TINAGL1: variants seen among roughly 807,000 people sequenced by gnomAD.
TINAGL1 encodes tubulointerstitial nephritis antigen-like.
A neutral mutation model predicts 62.0 loss-of-function variants in TINAGL1; 34 were observed. That is an observed-to-expected ratio of 0.55 (90% confidence interval 0.42 to 0.73). The LOEUF (loss-of-function observed/expected upper bound fraction) is 0.73, where lower values mean the gene tolerates loss of function less well. Ranked by LOEUF, TINAGL1 falls within the 30% of genes least tolerant of loss-of-function variation. The pLI, the probability that TINAGL1 is intolerant of heterozygous loss-of-function variation, is 0.00. For missense variants in TINAGL1, 516 were observed against 653.2 expected (o/e 0.79, Z 2.29); for synonymous variants, 221 against 249.7 (o/e 0.88, Z 1.08).
chr1:31,577,340 G>A lies in TINAGL1; in HGVS notation c.192G>A (p.Leu64=), dbSNP rs902235602. The A allele has an allele frequency of 1.2e-6, 2 of 1,613,808 alleles. No homozygotes were observed. The highest frequency in any genetic ancestry group is 2.7e-5 in the African/African-American group (2 of 74,930). The change falls in exon 2 of 12, where the codon CTG becomes CTA. Residue 64 remains leucine (L), a synonymous_variant. Transcript: ENST00000271064. This position sits in a 1 kb window ranked among gnomAD's most constrained non-coding sequence, Gnocchi z 5.4. ...GCGGCCGTGCCGACGACTGTGCCCT[G>A]CCCTACCTGGGCGCCATCTGTTACT... ...CCRGRADDCA[L]PYLGAICYCD... is the part of the protein sequence containing the mutation.
chr1:31,577,034 C>A lies in TINAGL1; in HGVS notation c.-15-100C>A. ...TGGGGACTCAGGAATCGGGATCTCC[C>A]TCCCTGCTGGGCCCTCTTGAACTCA... On this transcript the variant is annotated intron_variant, in intron 1 of 11. Transcript: ENST00000271064. The surrounding 1 kb of genome is among the most constrained non-coding windows in gnomAD (Gnocchi z 5.4). The A allele has an allele frequency of 8.9e-7, 1 of 1,118,778 alleles. No individual in the cohort carries two copies. Among genetic ancestry groups the A allele is most frequent in the Non-Finnish European group, 1.2e-6 (1 of 816,818 alleles). 69.3% of individuals were successfully genotyped at this position (1,118,778 alleles called of 1,614,324 possible).
In TINAGL1 at chr1:31,586,717, G is replaced by A. The variant is rs1288311878; in HGVS notation, c.1225G>A (p.Glu409Lys). ...CCTCTGCTCTGCCCACAGATGGGGA[G>A]AGGAGACGCTGCCAGATGGAAGGAC... is the stretch of plus-strand genomic sequence containing the variant. ...THSVKITGWG[E>K]ETLPDGRTLK... is the part of the protein sequence containing the mutation. The change falls in exon 11 of 12, where the codon GAG becomes AAG. Residue 409 changes from glutamate to lysine, a missense_variant. Physicochemically the swap from Glu to Lys is moderately conservative, Grantham distance 56. Coordinates refer to ENST00000271064, the MANE Select transcript of TINAGL1 (RefSeq NM_022164.3). The A allele has an allele frequency of 1.3e-6, 2 of 1,557,874 alleles. No homozygotes were observed. Among genetic ancestry groups the A allele is most frequent in the Admixed American group, 3.9e-5 (2 of 51,776 alleles).
Position 31,587,622 on chromosome 1 carries a change from A to G in TINAGL1, c.*643A>G, listed in dbSNP as rs1364399738. On this transcript the variant is annotated 3_prime_UTR_variant, in exon 12 of 12. Coordinates refer to ENST00000271064, the MANE Select transcript of TINAGL1 (RefSeq NM_022164.3). ...CATGAGCCACTGCACCCAGCCCTGT[A>G]TTCTTATTCTTCAGATATTTATTTT... is the stretch of plus-strand genomic sequence containing the variant. 1.3e-5 allele frequency: 2 copies of G among 152,166 alleles called. No individual in the cohort carries two copies. Among genetic ancestry groups the G allele is most frequent in the African/African-American group, 4.8e-5 (2 of 41,428 alleles). 9.4% of individuals were successfully genotyped at this position (152,166 alleles called of 1,614,324 possible). A position where few individuals can be genotyped will look rare whatever the true frequency, so the allele number is the denominator to read the frequency against.
Position 31,587,063 on chromosome 1 carries a change from C to T in TINAGL1, c.*84C>T. On this transcript the variant is annotated 3_prime_UTR_variant, in exon 12 of 12. Transcript: ENST00000271064. ...GCCCCAATGGGGCGGTGACCCCAGCCTCGCCCGACAGAGCCCGGGGCGCAG... is the reference window on the plus strand; with the variant it reads ...GCCCCAATGGGGCGGTGACCCCAGCTTCGCCCGACAGAGCCCGGGGCGCAG... 1 of 1,357,244 alleles carries T rather than the reference C, an allele frequency of 7.4e-7. No homozygotes were observed. Among genetic ancestry groups the T allele is most frequent in the Non-Finnish European group, 9.4e-7 (1 of 1,061,774 alleles). The allele number at this position is 1,357,244 out of a possible 1,614,324, so 84.1% of individuals were successfully genotyped here. A position where few individuals can be genotyped will look rare whatever the true frequency, so the allele number is the denominator to read the frequency against.
At chr1:31,582,545 G>C (rs1220500163) in intron 3 of TINAGL1, among the ~76,000 whole-genome samples, 2 of 152,118 alleles carry the variant, frequency 1.3e-5, no homozygotes, top group Non-Finnish European at 2.9e-5. Flanking sequence ...ATATGACTTA[G>C]GTTTAGCAGG....
At chr1:31,580,636 G>C in intron 3 of TINAGL1, 1 of 1,289,330 alleles carries the variant, frequency 7.8e-7, no homozygotes, top group South Asian at 1.2e-5. Context: ...GCCATACTGG[G>C]TCTTGGCTCC....
rs768679412 is a variant in TINAGL1 at position 31,585,258 on chromosome 1, A to G, written c.965A>G (p.Gln322Arg). ...CGAGCCATGGGTCGGGGCAAGCGCC[A>G]GGCCACTGCCCACTGCCCCAACAGC... The part of the protein sequence containing the change: ...HSRAMGRGKR[Q>R]ATAHCPNSYV... Residue 322 changes from glutamine (Q) to arginine (R), a missense_variant, in exon 8 of 12, where the codon CAG becomes CGG. Gln to Arg is a conservative substitution (Grantham distance 43). Transcript: ENST00000271064. This position sits in a 1 kb window ranked among gnomAD's most constrained non-coding sequence, Gnocchi z 4.3. 6.3e-5 allele frequency: 101 copies of G among 1,613,550 alleles called. No homozygotes were observed. Among genetic ancestry groups the G allele is most frequent in the Non-Finnish European group, 8.2e-5 (97 of 1,179,788 alleles).
chr1:31,581,391 G>A (rs1639241486), intron 3 of TINAGL1, among the ~76,000 whole-genome samples: 1 of 152,146 alleles, frequency 6.6e-6, no homozygotes, highest in African/African-American at 2.4e-5. Context: ...GGCCACAGTG[G>A]AGGGGCGAGA....
At chr1:31,580,558 C>A (rs981866989) in intron 3 of TINAGL1, 1 of 1,289,044 alleles carries the variant, frequency 7.8e-7, no homozygotes, top group African/African-American at 1.5e-5. Flanking sequence ...GGAAAGCCTT[C>A]CCGGCCCTGC....
chr1:31,581,490 G>A (rs1639244319), intron 3 of TINAGL1, among the ~76,000 whole-genome samples: 1 of 152,150 alleles, frequency 6.6e-6, no homozygotes, highest in Non-Finnish European at 1.5e-5. Flanking sequence ...GCTCTGATGT[G>A]AACAACTGGG....
chr1:31,586,479 C>T (rs935911097), intron 10 of TINAGL1: 2 of 606,346 alleles, frequency 3.3e-6, no homozygotes, highest in South Asian at 3.9e-5. Flanking sequence ...CTCACCTTGC[C>T]TCCACTTGTC....
At position 31,577,325 on chromosome 1, in the gene TINAGL1, C is replaced by G. The variant is rs145136504; in HGVS notation, c.177C>G (p.Ala59=). 343 of 1,613,844 alleles carry G rather than the reference C, an allele frequency of 2.1e-4. No individual in the cohort carries two copies. The African/African-American group carries it at 4.2e-3, about 20-fold the overall frequency. Residue 59 remains alanine, a synonymous_variant, in exon 2 of 12, where the codon GCC becomes GCG. Coordinates refer to ENST00000271064, the MANE Select transcript of TINAGL1 (RefSeq NM_022164.3). This position sits in a 1 kb window ranked among gnomAD's most constrained non-coding sequence, Gnocchi z 5.4. The part of the protein sequence containing the change: ...QEQDLCCRGR[A]DDCALPYLGA... ...AGGACCTGTGCTGCCGCGGCCGTGC[C>G]GACGACTGTGCCCTGCCCTACCTGG...
rs1297150279 is a variant in TINAGL1 at position 31,587,639 on chromosome 1, A to G, written c.*660A>G. 6.6e-6 allele frequency: 1 copy of G among 152,184 alleles called. No homozygotes were observed. Among genetic ancestry groups the G allele is most frequent in the East Asian group, 1.9e-4 (1 of 5,198 alleles). 9.4% of individuals were successfully genotyped at this position (152,184 alleles called of 1,614,324 possible). A position where few individuals can be genotyped will look rare whatever the true frequency, so the allele number is the denominator to read the frequency against. On this transcript the variant is annotated 3_prime_UTR_variant, in exon 12 of 12. Transcript: ENST00000271064. ...AGCCCTGTATTCTTATTCTTCAGATATTTATTTTTCTTTTCACTGTTTTAA... is the reference window on the plus strand; with the variant it reads ...AGCCCTGTATTCTTATTCTTCAGATGTTTATTTTTCTTTTCACTGTTTTAA...
Position 31,585,415 on chromosome 1 carries a change from T to C in TINAGL1, c.1048-25T>C. 6.2e-7 allele frequency: 1 copy of C among 1,613,584 alleles called. No homozygotes were observed. Among genetic ancestry groups the C allele is most frequent in the South Asian group, 1.1e-5 (1 of 90,986 alleles). On this transcript the variant is annotated intron_variant, in intron 8 of 11. Transcript: ENST00000271064. This position sits in a 1 kb window ranked among gnomAD's most constrained non-coding sequence, Gnocchi z 4.3. ...CTGGAGTCTCACCCCTGACGTATGC[T>C]CTCTGTCCATCCCCTGCCCTCCAGG...
rs1244276787 is a variant in TINAGL1, at chr1:31,576,988, C to A, written c.-15-146C>A. 7 of 704,736 alleles carry A rather than the reference C, an allele frequency of 9.9e-6. No homozygotes were observed. Among genetic ancestry groups the A allele is most frequent in the South Asian group, 2.1e-5 (1 of 46,872 alleles). The allele number at this position is 704,736 out of a possible 1,614,324, so 43.7% of individuals were successfully genotyped here. On this transcript the variant is annotated intron_variant, in intron 1 of 11. Transcript: ENST00000271064. This position sits in a 1 kb window ranked among gnomAD's most constrained non-coding sequence, Gnocchi z 5.1. ...TATAGCCAGGGCCCACACACTGGGG[C>A]TCCTCTGCCCGTGTCCTGCCTGGGG...
rs1639023626 is a variant in TINAGL1, at chr1:31,577,591, C to T, written c.310+133C>T. ...TAGAATCTGGGACTCTTCCCTGCCCCTCTGGGAACTTTACTCTCCAGCAAG... is the reference window on the plus strand; with the variant it reads ...TAGAATCTGGGACTCTTCCCTGCCCTTCTGGGAACTTTACTCTCCAGCAAG... On this transcript the variant is annotated intron_variant, in intron 2 of 11. Coordinates refer to ENST00000271064, the MANE Select transcript of TINAGL1 (RefSeq NM_022164.3). The surrounding 1 kb of genome is among the most constrained non-coding windows in gnomAD (Gnocchi z 5.4). 3 of 1,010,802 alleles carry T rather than the reference C, an allele frequency of 3.0e-6. No homozygotes were observed. In the African/African-American group the frequency reaches 4.9e-5, roughly 16 times the overall value. 62.6% of individuals were successfully genotyped at this position (1,010,802 alleles called of 1,614,324 possible). A position where few individuals can be genotyped will look rare whatever the true frequency, so the allele number is the denominator to read the frequency against.
intron 3 of TINAGL1, among the ~76,000 whole-genome samples, chr1:31,581,379 G>C (rs1178981902): frequency 1.3e-5 from 2 of 152,178 alleles, no homozygotes; most frequent in Non-Finnish European, 2.9e-5. Flanking sequence ...CGGGAGTAGG[G>C]TGGCCACAGT....
rs1271556915 is a variant in TINAGL1, at chr1:31,586,675, C to G, written c.1218-35C>G. The G allele has an allele frequency of 2.6e-6, 4 of 1,555,230 alleles. No homozygotes were observed. In the East Asian group the frequency reaches 9.7e-5, roughly 38 times the overall value. On this transcript the variant is annotated intron_variant, in intron 10 of 11. Transcript: ENST00000271064. ...TTGGAGCTCCTGAGAGCAGGTAGAC[C>G]CAGCTCCCTTCCCCCTCCTCTGCTC...
rs141850900 is a variant in TINAGL1, at chr1:31,576,911, G to T, written c.-15-223G>T. 4.1e-3 allele frequency: 1,946 copies of T among 480,230 alleles called. 9 individuals are homozygous for T. The highest frequency in any genetic ancestry group is 6.3e-3 in the Non-Finnish European group (1,723 of 274,108). The allele number at this position is 480,230 out of a possible 1,614,324, so 29.7% of individuals were successfully genotyped here. ...CACCCTCATTTCCTTGTCCTTGAAGGTCCCTGCCTAGGTCAGGGAGGGGCT... is the reference window on the plus strand; with the variant it reads ...CACCCTCATTTCCTTGTCCTTGAAGTTCCCTGCCTAGGTCAGGGAGGGGCT... On this transcript the variant is annotated intron_variant, in intron 1 of 11. Transcript: ENST00000271064. The surrounding 1 kb of genome is among the most constrained non-coding windows in gnomAD (Gnocchi z 5.1).
Sources: gnomAD v4.1 joint callset for allele counts (sites outside exome capture counted in the v4.1 genomes callset) on GRCh38, gnomAD v4.1.1 for gene constraint, Gnocchi (gnomAD v3.1) non-coding constraint, MANE v1.5 for transcripts, NCBI Gene and HGNC (gene_info 2026-07-23, HGNC 2026-07-21) for gene names.